GNB1L: variants seen among roughly 807,000 people sequenced by gnomAD.
GNB1L encodes the protein guanine nucleotide-binding protein subunit beta-like protein 1.
A neutral mutation model predicts 29.1 loss-of-function variants in GNB1L; 20 were observed. The observed-to-expected ratio is 0.69, with a 90% CI of 0.48 to 1.00. The LOEUF is 1.00. Ranked by LOEUF, GNB1L falls within the 50% of genes least tolerant of loss-of-function variation. GNB1L has a pLI of 0.00. For synonymous variants in GNB1L, 193 were observed against 206.5 expected (o/e 0.93, Z 0.56); for missense variants, 421 against 464.9 (o/e 0.91, Z 0.87).
chr22:19,821,450 G>A (rs935147684), intron 2 of GNB1L, 75 bp from the exon 3 acceptor site: 6 of 1,410,840 alleles, frequency 4.3e-6, no homozygotes, highest in Non-Finnish European at 5.9e-6. Context: ...CAGGCACAGG[G>A]GTGCTTGAGA....
chr22:19,852,602 G>A, intron 2 of GNB1L: 1 of 279,768 alleles, frequency 3.6e-6, no homozygotes, highest in Non-Finnish European at 6.7e-6. Flanking sequence ...AGCTTTGAAT[G>A]GAAGGAGGGG....
chr22:19,845,514 C>G (rs1173925368), intron 2 of GNB1L, among the ~76,000 whole-genome samples: 2 of 152,228 alleles, frequency 1.3e-5, no homozygotes, highest in Admixed American at 6.5e-5. Context: ...CCAATGGGGA[C>G]ACAGAAGAAT....
chr22:19,833,101 A>T (rs1415749085), intron 2 of GNB1L, among the ~76,000 whole-genome samples: 1 of 152,232 alleles, frequency 6.6e-6, no homozygotes, highest in Admixed American at 6.5e-5. Flanking sequence ...AACCCAGGAT[A>T]TGTCTAGGAT....
chr22:19,823,738 G>T (rs1306890564), intron 2 of GNB1L, among the ~76,000 whole-genome samples: 2 of 152,000 alleles, frequency 1.3e-5, no homozygotes, highest in Non-Finnish European at 2.9e-5. Context: ...GGTGCACACA[G>T]ACACATGCAA....
chr22:19,842,973 C>G (rs1357283234), intron 2 of GNB1L, among the ~76,000 whole-genome samples: 2 of 152,250 alleles, frequency 1.3e-5, no homozygotes, highest in African/African-American at 4.8e-5. Context: ...GAAACCATTT[C>G]TGGAATGGGG....
intron 7 of GNB1L, among the ~76,000 whole-genome samples, chr22:19,789,241 C>G (rs1197068420): frequency 6.6e-6 from 1 of 152,138 alleles, no homozygotes; most frequent in Non-Finnish European, 1.5e-5. Context: ...CAGGGAGGTC[C>G]CAGCTGCAGG....
Position 19,818,649 on chromosome 22 carries a change from T to A in GNB1L, c.254+1949A>T, listed in dbSNP as rs369071721. On this transcript the variant is annotated intron_variant, in intron 4 of 7. Transcript: ENST00000329517. ...AGGCCTCATTCTCCAGGGACTATAC[T>A]CCACAGTGCCATGAACCAGGCACCG... is the stretch of plus-strand genomic sequence containing the variant. 3.3e-4 allele frequency among the ~76,000 whole-genome samples: 51 copies of A among 152,310 alleles called. 1 individual carries two copies. The South Asian group carries it at 0.011, about 32-fold the overall frequency.
At chr22:19,852,542 G>C in intron 2 of GNB1L, 1 of 440,872 alleles carries the variant, frequency 2.3e-6, no homozygotes, top group Non-Finnish European at 4.1e-6. Context: ...TCACCCACTG[G>C]ACTGGTGGGA....
chr22:19,799,598 C>G (rs1343170780), intron 7 of GNB1L, among the ~76,000 whole-genome samples: 2 of 152,242 alleles, frequency 1.3e-5, no homozygotes, highest in African/African-American at 4.8e-5. Flanking sequence ...ATTCGCGTCT[C>G]TACTCCCAGC....
intron 4 of GNB1L, among the ~76,000 whole-genome samples, chr22:19,814,174 C>G (rs1937516671): frequency 6.6e-6 from 1 of 152,154 alleles, no homozygotes; most frequent in African/African-American, 2.4e-5. Context: ...AACCTTCCTT[C>G]CAGCTTCCTA....
Position 19,847,491 on chromosome 22 carries a change from C to G in GNB1L, c.-21+6952G>C, listed in dbSNP as rs373240298. 3.7e-4 allele frequency: 361 copies of G among 985,442 alleles called. 2 individuals carry two copies. In the East Asian group the frequency reaches 0.016, roughly 45 times the overall value. The allele number at this position is 985,442 out of a possible 1,614,324, so 61.0% of individuals were successfully genotyped here. A position where few individuals can be genotyped will look rare whatever the true frequency, so the allele number is the denominator to read the frequency against. Reference sequence around the variant, plus strand: ...ATCATTCTCATTCAACCCTTCTAACCACCCCATGAGGAAAAACTCTGGTCA... The same window carrying G: ...ATCATTCTCATTCAACCCTTCTAACGACCCCATGAGGAAAAACTCTGGTCA... On this transcript the variant is annotated intron_variant, in intron 2 of 7. Coordinates refer to ENST00000329517, the MANE Select transcript of GNB1L (RefSeq NM_053004.3).
At position 19,783,986 on chromosome 22, in the gene GNB1L, G is replaced by T. The variant is rs949670580; in HGVS notation, c.*4723C>A. ...AGGTTGAGACCCCGAGGAGAGGCAG[G>T]CCTGGGGGACCGTGCAGCAGCTGTG... On this transcript the variant is annotated 3_prime_UTR_variant, in exon 8 of 8. Transcript: ENST00000329517. The T allele has an allele frequency of 2.0e-5, 3 of 152,450 alleles. No individual in the cohort carries two copies. The highest frequency in any genetic ancestry group is 7.2e-5 in the African/African-American group (3 of 41,478). The allele number at this position is 152,450 out of a possible 1,614,324, so 9.4% of individuals were successfully genotyped here.
intron 2 of GNB1L, chr22:19,849,041 TGAGTCATCGGACG>T: frequency 5.1e-6 from 5 of 985,438 alleles, no homozygotes; most frequent in Non-Finnish European, 6.0e-6. Context: ...GGATGGGGCC[TGAGTCATCGGACG>T]GAGGGCAGCT....
chr22:19,795,343 TA>T (rs368068225), intron 7 of GNB1L, among the ~76,000 whole-genome samples: 4 of 147,178 alleles, frequency 2.7e-5, no homozygotes, highest in Non-Finnish European at 6.0e-5. Context: ...GCGTAACTGG[TA>T]AAAAAAAAAC....
intron 7 of GNB1L, among the ~76,000 whole-genome samples, chr22:19,799,434 C>T (rs1349075832): frequency 6.6e-6 from 1 of 152,244 alleles, no homozygotes; most frequent in Non-Finnish European, 1.5e-5. Flanking sequence ...ACCACCGCGG[C>T]CCCTGGCCAA....
chr22:19,790,136 A>G (rs940796582), intron 7 of GNB1L, among the ~76,000 whole-genome samples: 1 of 152,228 alleles, frequency 6.6e-6, no homozygotes, highest in African/African-American at 2.4e-5. Flanking sequence ...CTGTTCTTGA[A>G]AGACTAGAAG....
In GNB1L at chr22:19,812,411, G is replaced by C. The variant is rs780558551; in HGVS notation, c.291C>G (p.Leu97=). ...GRDLKLCLWD[L]AEGRSAVVDS... is the part of the protein sequence containing the mutation. Reference sequence around the variant, plus strand: ...CCACGACAGCGCTCCTGCCCTCCGCGAGGTCCCACAGGCACAGCTTCAGGT... The same window carrying C: ...CCACGACAGCGCTCCTGCCCTCCGCCAGGTCCCACAGGCACAGCTTCAGGT... The change falls in exon 5 of 8, where the codon CTC becomes CTG. Residue 97 remains leucine, a synonymous_variant. Transcript: ENST00000329517. 2 of 1,613,344 alleles carry C rather than the reference G, an allele frequency of 1.2e-6. No homozygotes were observed. Among genetic ancestry groups the C allele is most frequent in the Non-Finnish European group, 1.7e-6 (2 of 1,179,868 alleles).
In GNB1L at chr22:19,816,956, G is replaced by C. The variant is rs1300605733; in HGVS notation, c.254+3642C>G. Among the ~76,000 whole-genome samples, 1 of 152,192 alleles carries C rather than the reference G, an allele frequency of 6.6e-6. No individual in the cohort carries two copies. The highest frequency in any genetic ancestry group is 1.9e-4 in the East Asian group (1 of 5,196). ...CCATCCAAGGGGCACTGAGGTGGGG[G>C]AAGGCGGGACCGCTGGGTACCCACA... On this transcript the variant is annotated intron_variant, in intron 4 of 7. Coordinates refer to ENST00000329517, the MANE Select transcript of GNB1L (RefSeq NM_053004.3). This position sits in a 1 kb window ranked among gnomAD's most constrained non-coding sequence, Gnocchi z 4.4.
intron 2 of GNB1L, among the ~76,000 whole-genome samples, chr22:19,839,341 G>C (rs368721258): frequency 6.6e-6 from 1 of 152,054 alleles, no homozygotes; most frequent in South Asian, 2.1e-4. Context: ...AGTATCTAGG[G>C]ATACTTTTCA....
Sources: gnomAD v4.1 joint callset for allele counts (sites outside exome capture counted in the v4.1 genomes callset) on GRCh38, gnomAD v4.1.1 for gene constraint, Gnocchi (gnomAD v3.1) non-coding constraint, MANE v1.5 for transcripts, NCBI Gene and HGNC (gene_info 2026-07-23, HGNC 2026-07-21) for gene names.